The following ASH1L variants were observed in gnomAD, a reference collection of about 807,000 sequenced individuals.
ASH1L encodes histone-lysine N-methyltransferase ASH1L.
Under a neutral mutation model 269.0 loss-of-function variants are expected in ASH1L, and 23 were observed. The ratio of observed to expected loss-of-function variants is 0.09; its 90% CI spans 0.06 to 0.12. The LOEUF (loss-of-function observed/expected upper bound fraction) is 0.12, where lower values mean the gene tolerates loss of function less well. Among genes scored for constraint, ASH1L ranks in the 10% least tolerant of loss-of-function variants. ASH1L has a pLI of 1.00. For missense variants in ASH1L, 2,912 were observed against 3,567.8 expected (o/e 0.82, Z 4.68); for synonymous variants, 1,187 against 1,253.5 (o/e 0.95, Z 1.12).
intron 3 of ASH1L, among the ~76,000 whole-genome samples, chr1:155,472,214 C>T (rs1006118523): frequency 1.3e-5 from 2 of 152,200 alleles, no homozygotes; most frequent in Non-Finnish European, 2.9e-5. Context: ...AGCTTGAACC[C>T]AGGAGGCGGG....
chr1:155,436,685 C>T (rs113671475), intron 5 of ASH1L, among the ~76,000 whole-genome samples: 4,890 of 150,972 alleles, frequency 0.032, 108 homozygotes, highest in South Asian at 0.052. Context: ...TTAGTAGAGA[C>T]GGGGTTTCAC....
chr1:155,558,390 G>C (rs981661905), intron 1 of ASH1L, among the ~76,000 whole-genome samples: 1 of 152,060 alleles, frequency 6.6e-6, no homozygotes, highest in African/African-American at 2.4e-5. Flanking sequence ...AGAATCCCTT[G>C]AACCCAGGAG....
chr1:155,438,534 T>C lies in ASH1L; in HGVS notation c.5621A>G (p.Asn1874Ser), dbSNP rs765892889. The C allele has an allele frequency of 1.1e-5, 18 of 1,613,302 alleles. No individual in the cohort carries two copies. The highest frequency in any genetic ancestry group is 2.2e-5 in the South Asian group (2 of 90,904). ...MQAFQAAQFV[N>S]PELNRDEEGA... ...TTCCTCGTCTCTGTTCAATTCTGGG[T>C]TGACAAACTGAGCAGCCTGGAATGC... Residue 1874 changes from asparagine to serine, a missense_variant, in exon 5 of 28, where the codon AAC (asparagine) becomes AGC (serine). Coordinates refer to ENST00000392403, the MANE Select transcript of ASH1L (RefSeq NM_018489.3).
rs191002328 is a variant in ASH1L at position 155,465,396 on chromosome 1, T to C, written c.4985-5498A>G. 2.4e-3 allele frequency among the ~76,000 whole-genome samples: 365 copies of C among 151,502 alleles called. 2 individuals carry two copies. The highest frequency in any genetic ancestry group is 8.2e-3 in the African/African-American group (340 of 41,244). ...CTATTAAAGCTTTTATAACTTAATATAGTATGAATTTTAGTCACACTCTGG... is the reference window on the plus strand; with the variant it reads ...CTATTAAAGCTTTTATAACTTAATACAGTATGAATTTTAGTCACACTCTGG... On this transcript the variant is annotated intron_variant, in intron 3 of 27. Transcript: ENST00000392403.
chr1:155,462,090 G>A (rs1664346168), intron 3 of ASH1L, among the ~76,000 whole-genome samples: 1 of 152,086 alleles, frequency 6.6e-6, no homozygotes, highest in Admixed American at 6.5e-5. Context: ...ATGAGCCACT[G>A]CGCCCAGCCC....
At chr1:155,435,257 A>T (rs1661995624) in intron 5 of ASH1L, among the ~76,000 whole-genome samples, 1 of 152,202 alleles carries the variant, frequency 6.6e-6, no homozygotes, top group Non-Finnish European at 1.5e-5. Context: ...AGAAAATTAA[A>T]CCTCTAACTC....
intron 16 of ASH1L, among the ~76,000 whole-genome samples, chr1:155,353,401 T>A (rs552699748): frequency 1.2e-3 from 181 of 152,310 alleles, no homozygotes; most frequent in African/African-American, 4.3e-3. Context: ...ATTGACAGGA[T>A]GTAAGATTAT....
At chr1:155,438,151 C>CT (rs1434350303) in intron 5 of ASH1L, among the ~76,000 whole-genome samples, 176 bp downstream of exon 5, 2 of 152,106 alleles carry the variant, frequency 1.3e-5, no homozygotes, top group Non-Finnish European at 2.9e-5. Flanking sequence ...CCTAGCCTCT[C>CT]TGATTCTTAA....
At chr1:155,344,373 C>A (rs1653055171) in intron 21 of ASH1L, 100 bp from the exon 22 acceptor site, 6 of 861,616 alleles carry the variant, frequency 7.0e-6, no homozygotes, top group East Asian at 2.6e-5. Flanking sequence ...ACTGTTTAGT[C>A]ATTTCAATAT....
chr1:155,526,420 A>T lies in ASH1L; in HGVS notation c.-99-4802T>A, dbSNP rs529253364. Among the ~76,000 whole-genome samples the T allele has an allele frequency of 2.0e-5, 3 of 152,330 alleles. No homozygotes were observed. In the South Asian group the frequency reaches 6.2e-4, roughly 32 times the overall value. On this transcript the variant is annotated intron_variant, in intron 1 of 27. Transcript: ENST00000392403. Reference sequence around the variant, plus strand: ...AAAATATCCTAATTTCAGCACTAACATACTTCCAAATCATATTTTATACAT... The same window carrying T: ...AAAATATCCTAATTTCAGCACTAACTTACTTCCAAATCATATTTTATACAT...
At chr1:155,392,986 C>A (rs887591180) in intron 7 of ASH1L, among the ~76,000 whole-genome samples, 2 of 152,070 alleles carry the variant, frequency 1.3e-5, no homozygotes, top group African/African-American at 4.8e-5. Context: ...CCGCGTCCAG[C>A]CTTGTTCTTA....
chr1:155,502,366 G>A (rs571961902), intron 2 of ASH1L, among the ~76,000 whole-genome samples: 12 of 152,110 alleles, frequency 7.9e-5, no homozygotes, highest in East Asian at 3.9e-4. Context: ...CACCGCGCCC[G>A]GCAGATAGTG....
rs960773189 is a variant in ASH1L, at chr1:155,346,534, C to A, written c.7804-65G>T. On this transcript the variant is annotated intron_variant, in intron 20 of 27. Transcript: ENST00000392403. The stretch of plus-strand genomic sequence containing the variant: ...GACTTATTGAGAGTGTCCTGGGAGC[C>A]CAGAATAAAAAATTAGCAATAGGTC... 7.4e-5 allele frequency: 106 copies of A among 1,423,002 alleles called. No individual in the cohort carries two copies. The highest frequency in any genetic ancestry group is 9.9e-5 in the Non-Finnish European group (101 of 1,018,202). 88.1% of individuals were successfully genotyped at this position (1,423,002 alleles called of 1,614,324 possible).
intron 2 of ASH1L, among the ~76,000 whole-genome samples, chr1:155,508,230 T>C (rs1435731939): frequency 6.6e-6 from 1 of 152,200 alleles, no homozygotes; most frequent in African/African-American, 2.4e-5. Flanking sequence ...GCTTATGAAA[T>C]GGCAGACACC....
intron 10 of ASH1L, among the ~76,000 whole-genome samples, chr1:155,372,974 G>A (rs1478947054): frequency 1.3e-5 from 2 of 151,928 alleles, no homozygotes; most frequent in Non-Finnish European, 1.5e-5. Flanking sequence ...GCACTTTAGG[G>A]GGCAGAGGCA....
chr1:155,369,303 C>T (rs533986937), intron 12 of ASH1L, among the ~76,000 whole-genome samples: 4 of 152,028 alleles, frequency 2.6e-5, no homozygotes, highest in Admixed American at 6.6e-5. Flanking sequence ...AGAAATTAGC[C>T]GGGCGTGGTG....
At chr1:155,477,408 A>G (rs1307617115) in intron 3 of ASH1L, among the ~76,000 whole-genome samples, 5 of 152,142 alleles carry the variant, frequency 3.3e-5, no homozygotes, top group African/African-American at 4.8e-5. Context: ...AATTTTTATT[A>G]TGAGACATAC....
In ASH1L at chr1:155,438,395, T is replaced by C. The variant is rs144612166; in HGVS notation, c.5760A>G (p.Leu1920=). Reference sequence around the variant, plus strand: ...GCTTTTTTCTGGTCTGTTCTTCCAATAGCCAACCTTTTCTCTTCAACCCCT... The same window carrying C: ...GCTTTTTTCTGGTCTGTTCTTCCAACAGCCAACCTTTTCTCTTCAACCCCT... The part of the protein sequence containing the change: ...HKKGLKRKGW[L]LEEQTRKKQK... Residue 1920 remains leucine, a synonymous_variant, in exon 5 of 28, where the codon CTA becomes CTG. Coordinates refer to ENST00000392403, the MANE Select transcript of ASH1L (RefSeq NM_018489.3). 9 of 1,609,014 alleles carry C rather than the reference T, an allele frequency of 5.6e-6. No homozygotes were observed. The highest frequency in any genetic ancestry group is 7.6e-6 in the Non-Finnish European group (9 of 1,178,696).
chr1:155,440,474 A>C, intron 4 of ASH1L: 3 of 602,214 alleles, frequency 5.0e-6, no homozygotes, highest in Non-Finnish European at 6.3e-6. Flanking sequence ...CTCAATACAG[A>C]GTACTTGTTA....
Sources: allele counts gnomAD v4.1 joint callset (sites outside exome capture counted in the v4.1 genomes callset), GRCh38; gene constraint gnomAD v4.1.1; transcripts MANE v1.5; gene names NCBI Gene and HGNC (gene_info 2026-07-23, HGNC 2026-07-21).